PIK3CD: variants seen among roughly 807,000 people sequenced by gnomAD.
The protein encoded by PIK3CD is phosphatidylinositol-4,5-bisphosphate 3-kinase catalytic subunit delta, also known as phosphatidylinositol 4,5-bisphosphate 3-kinase catalytic subunit delta isoform.
A neutral mutation model predicts 122.9 loss-of-function variants in PIK3CD; 20 were observed. The observed-to-expected ratio is 0.16, with a 90% CI of 0.11 to 0.24. PIK3CD has a LOEUF of 0.24. Ranked by LOEUF, PIK3CD falls within the 10% of genes least tolerant of loss-of-function variation. The probability of loss-of-function intolerance (pLI) is 1.00; values close to 1 mark genes in which losing one functional copy is unlikely to be tolerated. For missense variants in PIK3CD, 787 were observed against 1,406.3 expected, an observed-to-expected ratio of 0.56 and a Z score of 7.04; for synonymous variants, 596 against 593.4, an observed-to-expected ratio of 1.00 and a Z score of -0.06.
chr1:9,639,791 G>A, the PIK3CD span, among the ~76,000 whole-genome samples: 72 of 152,206 alleles, frequency 4.7e-4, 1 homozygote, highest in African/African-American at 1.7e-3. Flanking sequence ...GTGCAGTGGC[G>A]CGATCGTGGC....
At chr1:9,684,186 T>C (rs4488033) in intron 1 of PIK3CD, among the ~76,000 whole-genome samples, 93,812 of 151,840 alleles carry the variant, frequency 0.62, 30,605 homozygotes, top group African/African-American at 0.85. Flanking sequence ...CATCTCTCAA[T>C]GGGAGGAGTC....
the PIK3CD span, among the ~76,000 whole-genome samples, chr1:9,641,921 C>T: frequency 2.6e-5 from 4 of 152,230 alleles, no homozygotes; most frequent in East Asian, 5.8e-4. Context: ...ATCAACTTCA[C>T]GTGATCCAGG....
the PIK3CD span, among the ~76,000 whole-genome samples, chr1:9,628,640 C>T: frequency 6.6e-6 from 1 of 152,194 alleles, no homozygotes; most frequent in Non-Finnish European, 1.5e-5. Flanking sequence ...GGCAGACTGC[C>T]TTCTTTGCCT....
chr1:9,659,978 C>T (rs1486754523), intron 1 of PIK3CD, among the ~76,000 whole-genome samples: 1 of 152,070 alleles, frequency 6.6e-6, no homozygotes, highest in Non-Finnish European at 1.5e-5. Flanking sequence ...TGCAATGGCG[C>T]GATCTTGGCT....
At chr1:9,634,185 A>C in the PIK3CD span, among the ~76,000 whole-genome samples, 2 of 125,386 alleles carry the variant, frequency 1.6e-5, no homozygotes, top group Admixed American at 9.7e-5. Context: ...ACAAAGTCTC[A>C]CTCTGTCACT....
chr1:9,691,729 A>G, intron 2 of PIK3CD, 158 bp downstream of exon 2: 2 of 388,260 alleles, frequency 5.2e-6, no homozygotes, highest in Non-Finnish European at 9.1e-6. Flanking sequence ...GAGTGACCCA[A>G]ATTGGTGCTA....
At chr1:9,673,098 ACTT>A (rs1645383489) in intron 1 of PIK3CD, among the ~76,000 whole-genome samples, 1 of 130,596 alleles carries the variant, frequency 7.7e-6, no homozygotes, top group South Asian at 2.5e-4. Context: ...TTTTAATCCT[ACTT>A]TTTTTTTTTT....
At position 9,723,537 on chromosome 1, in the gene PIK3CD, T is replaced by G. The variant is rs1056599054; in HGVS notation, c.2594+245T>G. On this transcript the variant is annotated intron_variant, in intron 20 of 23. Coordinates refer to ENST00000377346, the MANE Select transcript of PIK3CD (RefSeq NM_005026.5). This position sits in a 1 kb window ranked among gnomAD's most constrained non-coding sequence, Gnocchi z 4.9. Reference sequence around the variant, plus strand: ...GCTTTAAAAAACAGCCATTTACGATTGGCTCACAGATCTGCAGCTGGGGCT... The same window carrying G: ...GCTTTAAAAAACAGCCATTTACGATGGGCTCACAGATCTGCAGCTGGGGCT... 6.6e-6 allele frequency among the ~76,000 whole-genome samples: 1 copy of G among 152,212 alleles called. No individual in the cohort carries two copies. Among genetic ancestry groups the G allele is most frequent in the African/African-American group, 2.4e-5 (1 of 41,462 alleles).
rs1408703812 is a variant in PIK3CD, at chr1:9,716,556, C to T, written c.717C>T (p.Tyr239=). 1.9e-6 allele frequency: 3 copies of T among 1,605,780 alleles called. No homozygotes were observed. Among genetic ancestry groups the T allele is most frequent in the Non-Finnish European group, 2.5e-6 (3 of 1,177,540 alleles). Residue 239 remains tyrosine (Y), a synonymous_variant, in exon 6 of 24, where the codon TAC becomes TAT. Coordinates refer to ENST00000377346, the MANE Select transcript of PIK3CD (RefSeq NM_005026.5). ...RQPLVEQPED[Y]TLQVNGRHEY... The stretch of plus-strand genomic sequence containing the variant: ...CGCTGGTGGAGCAGCCGGAAGACTA[C>T]ACGCTGCAGGTGAACGGCAGGCATG...
Position 9,713,794 on chromosome 1 carries a change from CGGT to C in PIK3CD, c.142-1744_142-1742del, listed in dbSNP as rs1304865978. On this transcript the variant is annotated intron_variant, in intron 3 of 23. Transcript: ENST00000377346. ...ATTATTATTATTATTATTTTTGTAA[CGGT>C]GGACCTTGCCATGTTGCCCAAGCTA... Among the ~76,000 whole-genome samples, 4 of 149,362 alleles carry C rather than the reference CGGT, an allele frequency of 2.7e-5. No individual in the cohort carries two copies. The Admixed American group carries it at 2.7e-4, about 10-fold the overall frequency.
chr1:9,644,484 T>C, the PIK3CD span, among the ~76,000 whole-genome samples: 2,305 of 151,898 alleles, frequency 0.015, 54 homozygotes, highest in African/African-American at 0.053. Flanking sequence ...CACCACTGCA[T>C]TCCAGCCTGG....
At chr1:9,687,820 G>T (rs1646029258) in intron 1 of PIK3CD, among the ~76,000 whole-genome samples, 1 of 152,242 alleles carries the variant, frequency 6.6e-6, no homozygotes, top group African/African-American at 2.4e-5. Flanking sequence ...GAATGTCTGT[G>T]TGTGACTTCT....
intron 1 of PIK3CD, among the ~76,000 whole-genome samples, chr1:9,681,360 C>T (rs1329444211): frequency 1.3e-5 from 2 of 152,320 alleles, no homozygotes; most frequent in Admixed American, 6.5e-5. Flanking sequence ...GCCTCACCCT[C>T]TCAAGCAGCT....
At chr1:9,685,787 A>G (rs1004989168) in intron 1 of PIK3CD, among the ~76,000 whole-genome samples, 4 of 148,996 alleles carry the variant, frequency 2.7e-5, no homozygotes, top group Non-Finnish European at 5.9e-5. Context: ...TCCTGCCTCA[A>G]ACTCAAGCGA....
At chr1:9,636,483 C>A in the PIK3CD span, among the ~76,000 whole-genome samples, 1 of 152,236 alleles carries the variant, frequency 6.6e-6, no homozygotes, top group African/African-American at 2.4e-5. Flanking sequence ...CATGAGCCAC[C>A]TCACCAGGCT....
upstream of PIK3CD, among the ~76,000 whole-genome samples, chr1:9,646,869 C>T (rs772507487): frequency 5.3e-5 from 8 of 151,328 alleles, no homozygotes; most frequent in Non-Finnish European, 1.0e-4. Context: ...GCAGGAGAAT[C>T]GCTTGAACCA....
Position 9,715,441 on chromosome 1 carries a change from T to G in PIK3CD, c.142-100T>G. On this transcript the variant is annotated intron_variant, in intron 3 of 23. Transcript: ENST00000377346. The surrounding 1 kb of genome is among the most constrained non-coding windows in gnomAD (Gnocchi z 4.1). ...GTCTGCCTCTGCCCTCTGGGAGGTT[T>G]GGACCCCCAGGCTGGAGGCCAGCTC... 9.9e-7 allele frequency: 1 copy of G among 1,013,072 alleles called. No individual in the cohort carries two copies. Among genetic ancestry groups the G allele is most frequent in the Non-Finnish European group, 1.5e-6 (1 of 659,804 alleles). 62.8% of individuals were successfully genotyped at this position (1,013,072 alleles called of 1,614,324 possible).
chr1:9,632,861 CTTT>C, the PIK3CD span, among the ~76,000 whole-genome samples: 225 of 128,604 alleles, frequency 1.7e-3, no homozygotes, highest in Middle Eastern at 7.9e-3. Flanking sequence ...CAACCTGATT[CTTT>C]TTTTTTTTTT....
upstream of PIK3CD, chr1:9,651,622 TG>T: frequency 6.6e-6 from 1 of 152,172 alleles, no homozygotes; most frequent in East Asian, 1.9e-4. Flanking sequence ...CTGGAGGACC[TG>T]TTGTTTTTCC....
Sources: allele counts gnomAD v4.1 joint callset (sites outside exome capture counted in the v4.1 genomes callset), GRCh38; gene constraint gnomAD v4.1.1; non-coding constraint Gnocchi (gnomAD v3.1); transcripts MANE v1.5; gene names NCBI Gene and HGNC (gene_info 2026-07-23, HGNC 2026-07-21).